The following ANO1 variants were observed in gnomAD, a reference collection of about 807,000 sequenced individuals.
The protein encoded by ANO1 is anoctamin-1.
Under a neutral mutation model 124.0 loss-of-function variants are expected in ANO1, and 59 were observed. That is an observed-to-expected ratio of 0.48 (90% confidence interval 0.39 to 0.59). ANO1 has a LOEUF of 0.59. Among genes scored for constraint, ANO1 ranks in the 20% least tolerant of loss-of-function variants. ANO1 has a pLI of 0.00. For missense variants in ANO1, 1,059 were observed against 1,328.0 expected (o/e 0.80, Z 3.15); for synonymous variants, 529 against 532.0 (o/e 0.99, Z 0.08).
chr11:70,063,011 C>A (rs1201965411), intron 1 of ANO1, among the ~76,000 whole-genome samples: 1 of 152,096 alleles, frequency 6.6e-6, no homozygotes. Flanking sequence ...CTCACTGCAA[C>A]CTCTGCCTCC....
intron 1 of ANO1, among the ~76,000 whole-genome samples, chr11:70,009,149 A>G (rs1203215272): frequency 6.6e-6 from 1 of 152,220 alleles, no homozygotes; most frequent in Non-Finnish European, 1.5e-5. Flanking sequence ...CTTAACACCC[A>G]GCAGAATTTA....
intron 2 of ANO1, among the ~76,000 whole-genome samples, chr11:70,101,049 A>G (rs1001559620): frequency 1.3e-5 from 2 of 152,016 alleles, no homozygotes; most frequent in African/African-American, 4.8e-5. Flanking sequence ...GCGATGAGAC[A>G]GGATTCACCC....
chr11:70,056,031 C>T (rs549428766), intron 1 of ANO1, among the ~76,000 whole-genome samples: 235 of 151,416 alleles, frequency 1.6e-3, no homozygotes, highest in Non-Finnish European at 1.9e-3. Context: ...CATTTAATCC[C>T]CACAAGACAT....
chr11:70,119,490 A>C lies in ANO1; in HGVS notation c.897+2991A>C, dbSNP rs567095968. Among the ~76,000 whole-genome samples, 3 of 149,718 alleles carry C rather than the reference A, an allele frequency of 2.0e-5. No homozygotes were observed. In the South Asian group the frequency reaches 6.4e-4, roughly 32 times the overall value. On this transcript the variant is annotated intron_variant, in intron 8 of 25. Transcript: ENST00000355303. Reference sequence around the variant, plus strand: ...TGGAAGAATGAATGATGGATGCTGGAGGAATGAATGATGGATGATGGGTGG... The same window carrying C: ...TGGAAGAATGAATGATGGATGCTGGCGGAATGAATGATGGATGATGGGTGG...
intron 1 of ANO1, among the ~76,000 whole-genome samples, chr11:70,007,578 C>T (rs1215720998): frequency 5.9e-5 from 9 of 152,186 alleles, no homozygotes; most frequent in African/African-American, 9.7e-5. Flanking sequence ...CCGCGCCCGG[C>T]CACCTCCTTT....
the ANO1 span, among the ~76,000 whole-genome samples, chr11:69,980,345 C>T: frequency 3.9e-5 from 6 of 152,178 alleles, no homozygotes; most frequent in South Asian, 4.2e-4. Flanking sequence ...TTGTAGGGGC[C>T]AGGCATGGTG....
At chr11:70,075,151 G>A (rs1356119415), upstream of ANO1, 1 of 152,218 alleles carries the variant, frequency 6.6e-6, no homozygotes, top group Non-Finnish European at 1.5e-5. Context: ...AGTTTGGTTT[G>A]TTCAACTTCC....
chr11:70,065,877 C>T (rs1230851227), intron 1 of ANO1, among the ~76,000 whole-genome samples: 9 of 152,212 alleles, frequency 5.9e-5, no homozygotes, highest in African/African-American at 2.2e-4. Context: ...AAGGGCCTTC[C>T]ACGGCCACCC....
chr11:70,152,351 A>AG (rs1195899041), intron 12 of ANO1, 99 bp from the exon 13 acceptor site: 1 of 1,035,808 alleles, frequency 9.7e-7, no homozygotes, highest in African/African-American at 1.6e-5. Context: ...AAAAAAAAAA[A>AG]AAAAAAGTTG....
intron 7 of ANO1, among the ~76,000 whole-genome samples, chr11:70,112,921 C>T (rs945700837): frequency 2.0e-5 from 3 of 152,152 alleles, no homozygotes; most frequent in Non-Finnish European, 2.9e-5. Context: ...AGGGATCCCG[C>T]AGGGCAGTTC....
the ANO1 span, among the ~76,000 whole-genome samples, chr11:69,966,135 T>A: frequency 3.7e-4 from 57 of 152,264 alleles, no homozygotes; most frequent in African/African-American, 1.4e-3. Flanking sequence ...GGCCCCGCAA[T>A]GGAAGTCGCT....
At chr11:70,150,441 A>G (rs941667598) in intron 12 of ANO1, among the ~76,000 whole-genome samples, 1 of 152,222 alleles carries the variant, frequency 6.6e-6, no homozygotes, top group African/African-American at 2.4e-5. Flanking sequence ...AAGGAGTAAC[A>G]GTCCCCACAA....
At chr11:70,108,275 T>C (rs1590752370) in intron 5 of ANO1, 78 bp from the exon 6 acceptor site, 2 of 1,460,130 alleles carry the variant, frequency 1.4e-6, no homozygotes, top group Non-Finnish European at 9.5e-7. Context: ...CCAGGTCCTC[T>C]CCAGCCACAG....
Position 70,018,352 on chromosome 11 carries a change from G to A in ANO1, c.58+32186G>A, listed in dbSNP as rs988933482. Reference sequence around the variant, plus strand: ...AGCTTGGGCAACAGAATGAGACCTTGTCTCTATGAAAAAAAAATAAAGAAT... The same window carrying A: ...AGCTTGGGCAACAGAATGAGACCTTATCTCTATGAAAAAAAAATAAAGAAT... On this transcript the variant is annotated intron_variant, in intron 1 of 27. Transcript: ENST00000531349. 7 of 152,122 alleles carry A rather than the reference G, an allele frequency of 4.6e-5. No individual in the cohort carries two copies. The East Asian group carries it at 1.2e-3, about 25-fold the overall frequency. The allele number at this position is 152,122 out of a possible 1,614,324, so 9.4% of individuals were successfully genotyped here.
At chr11:70,122,744 T>TCTCTATCTCCCCCCTTCCTCC (rs2046345694) in intron 8 of ANO1, among the ~76,000 whole-genome samples, 1 of 151,758 alleles carries the variant, frequency 6.6e-6, no homozygotes, top group African/African-American at 2.4e-5. Context: ...TCTCCATCTG[T>TCTCTATCTCCCCCCTTCCTCC]CTCTGTCTCC....
chr11:70,186,936 G>T lies in ANO1; in HGVS notation c.2695-802G>T, dbSNP rs115600812. Among the ~76,000 whole-genome samples, 1,242 of 152,270 alleles carry T rather than the reference G, an allele frequency of 8.2e-3. 24 individuals are homozygous for T. The highest frequency in any genetic ancestry group is 0.028 in the African/African-American group (1,181 of 41,562). ...TGAGAGCCCAGCAAGGAGGGGTCTC[G>T]GCCAGAGACAGCCCAGCCTTATCCC... is the stretch of plus-strand genomic sequence containing the variant. On this transcript the variant is annotated intron_variant, in intron 25 of 25. Transcript: ENST00000355303.
intron 19 of ANO1, 42 bp downstream of exon 19, chr11:70,163,382 T>C: frequency 6.2e-7 from 1 of 1,607,678 alleles, no homozygotes; most frequent in Non-Finnish European, 8.5e-7. Flanking sequence ...CCTTCTGTCT[T>C]GCTTACGATT....
the ANO1 span, among the ~76,000 whole-genome samples, chr11:69,974,907 A>AG: frequency 6.0e-5 from 9 of 149,166 alleles, 1 homozygote; most frequent in South Asian, 1.9e-3. Context: ...AAAAAAAAAA[A>AG]GAAGAGATTA....
rs370680944 is a variant in ANO1 at position 70,167,040 on chromosome 11, G to A, written c.2052-202G>A. The stretch of plus-strand genomic sequence containing the variant: ...CATGTGCCTATAGTCCCAGCTACTC[G>A]GGAGGCTGAGGCAAGAGAATTGCTT... On this transcript the variant is annotated intron_variant, in intron 20 of 25. Coordinates refer to ENST00000355303, the MANE Select transcript of ANO1 (RefSeq NM_018043.7). Among the ~76,000 whole-genome samples the A allele has an allele frequency of 4.4e-3, 669 of 152,142 alleles. 2 individuals are homozygous for A. The highest frequency in any genetic ancestry group is 0.015 in the African/African-American group (629 of 41,502).
Sources: gnomAD v4.1 joint callset for allele counts (sites outside exome capture counted in the v4.1 genomes callset) on GRCh38, gnomAD v4.1.1 for gene constraint, MANE v1.5 for transcripts, NCBI Gene and HGNC (gene_info 2026-07-23, HGNC 2026-07-21) for gene names.